Variants in TAFA1 observed in about 807,000 individuals in gnomAD.
TAFA1 encodes the protein TAFA chemokine like family member 1.
Under a neutral mutation model 18.5 loss-of-function variants are expected in TAFA1, and 4 were observed. That is an observed-to-expected ratio of 0.22 (90% CI 0.11 to 0.49). TAFA1 has a LOEUF of 0.49. Among genes scored for constraint, TAFA1 ranks in the 20% least tolerant of loss-of-function variants. TAFA1 has a pLI of 0.98. For missense variants in TAFA1, 147 were observed against 169.0 expected (o/e 0.87, Z 0.72); for synonymous variants, 56 against 55.2 (o/e 1.01, Z -0.06).
intron 2 of TAFA1, among the ~76,000 whole-genome samples, chr3:68,138,033 T>G (rs1473693415): frequency 6.6e-6 from 1 of 151,738 alleles, no homozygotes; most frequent in African/African-American, 2.4e-5. Context: ...TCCCGAAAAT[T>G]AGGGCAAAGA....
At chr3:68,444,435 A>G (rs142701590) in intron 3 of TAFA1, among the ~76,000 whole-genome samples, 2,266 of 152,208 alleles carry the variant, frequency 0.015, 22 homozygotes, top group Non-Finnish European at 0.023. Flanking sequence ...TGAAGTCACA[A>G]TACCTCACCT....
At chr3:68,250,472 T>C (rs1452586559) in intron 2 of TAFA1, among the ~76,000 whole-genome samples, 8 of 152,154 alleles carry the variant, frequency 5.3e-5, no homozygotes, top group Non-Finnish European at 7.3e-5. Context: ...CCTGGGCCCT[T>C]GAACTAACCT....
intron 2 of TAFA1, among the ~76,000 whole-genome samples, chr3:68,193,315 A>G (rs941946936): frequency 6.6e-6 from 1 of 151,842 alleles, no homozygotes; most frequent in Non-Finnish European, 1.5e-5. Flanking sequence ...AGGTATTTTA[A>G]TGTAAGTTTA....
At chr3:68,331,728 G>A (rs1355911614) in intron 2 of TAFA1, among the ~76,000 whole-genome samples, 1 of 151,964 alleles carries the variant, frequency 6.6e-6, no homozygotes, top group Non-Finnish European at 1.5e-5. Context: ...AGCTACAGGT[G>A]TAAAACAGAT....
chr3:68,358,084 G>A (rs2069398411), intron 2 of TAFA1, among the ~76,000 whole-genome samples: 1 of 151,868 alleles, frequency 6.6e-6, no homozygotes, highest in Non-Finnish European at 1.5e-5. Flanking sequence ...ATTCAACAAG[G>A]CTGTTTATTC....
rs994152812 is a variant in TAFA1, at chr3:68,544,616, T to A, written c.*113T>A. The stretch of plus-strand genomic sequence containing the variant: ...ATGGATTTCTTACTTGCACTTTGAC[T>A]GGCTACCAGATAATCACAGTGCGTT... On this transcript the variant is annotated 3_prime_UTR_variant, in exon 5 of 5. Coordinates refer to ENST00000478136, the MANE Select transcript of TAFA1 (RefSeq NM_213609.4). 67 of 1,068,952 alleles carry A rather than the reference T, an allele frequency of 6.3e-5. No homozygotes were observed. In the African/African-American group the frequency reaches 1.0e-3, roughly 16 times the overall value. 66.2% of individuals were successfully genotyped at this position (1,068,952 alleles called of 1,614,324 possible). A position where few individuals can be genotyped will look rare whatever the true frequency, so the allele number is the denominator to read the frequency against.
chr3:68,400,912 T>A (rs2070474842), intron 2 of TAFA1, among the ~76,000 whole-genome samples: 1 of 152,170 alleles, frequency 6.6e-6, no homozygotes, highest in Non-Finnish European at 1.5e-5. Flanking sequence ...CATCCACAGC[T>A]GTGAATAGGA....
intron 2 of TAFA1, among the ~76,000 whole-genome samples, chr3:68,120,229 CTTTCTTTCT>C (rs1575627494): frequency 1.7e-5 from 2 of 120,956 alleles, no homozygotes; most frequent in East Asian, 4.5e-4. Context: ...TTCTTTCTTT[CTTTCTTTCT>C]TTCTTTCTTT....
At chr3:68,064,069 T>G (rs2064641566) in intron 2 of TAFA1, among the ~76,000 whole-genome samples, 1 of 152,132 alleles carries the variant, frequency 6.6e-6, no homozygotes, top group African/African-American at 2.4e-5. Context: ...CTTAATAAGT[T>G]GACAACTTAA....
At chr3:68,284,137 C>G (rs1453259396) in intron 2 of TAFA1, among the ~76,000 whole-genome samples, 1 of 152,116 alleles carries the variant, frequency 6.6e-6, no homozygotes, top group African/African-American at 2.4e-5. Flanking sequence ...CTTTCTCTTT[C>G]TGTGTTTTTC....
chr3:68,059,964 G>A (rs1315904834), intron 2 of TAFA1, among the ~76,000 whole-genome samples: 1 of 151,980 alleles, frequency 6.6e-6, no homozygotes, highest in Non-Finnish European at 1.5e-5. Context: ...CTCCTCTGGG[G>A]GCTAGAGGAG....
chr3:68,115,251 G>A (rs908015735), intron 2 of TAFA1, among the ~76,000 whole-genome samples: 1 of 152,096 alleles, frequency 6.6e-6, no homozygotes, highest in Non-Finnish European at 1.5e-5. Context: ...CTTACTGTTA[G>A]CATGGTATAT....
At chr3:68,334,219 G>A (rs2068931793) in intron 2 of TAFA1, among the ~76,000 whole-genome samples, 1 of 152,132 alleles carries the variant, frequency 6.6e-6, no homozygotes, top group Admixed American at 6.5e-5. Flanking sequence ...ATTTTACTAT[G>A]CATTTATACA....
At chr3:68,093,604 C>T (rs2065053057) in intron 2 of TAFA1, among the ~76,000 whole-genome samples, 1 of 152,050 alleles carries the variant, frequency 6.6e-6, no homozygotes, top group African/African-American at 2.4e-5. Flanking sequence ...TTCTGTCTGA[C>T]TATGTGATGT....
intron 2 of TAFA1, among the ~76,000 whole-genome samples, chr3:68,270,555 A>T (rs372013169): frequency 2.0e-5 from 3 of 152,122 alleles, no homozygotes; most frequent in African/African-American, 7.2e-5. Context: ...GCTTATTGTT[A>T]TGTGTAAAGA....
chr3:68,431,751 T>C (rs1169307727), intron 3 of TAFA1, among the ~76,000 whole-genome samples: 2 of 152,000 alleles, frequency 1.3e-5, no homozygotes, highest in Non-Finnish European at 2.9e-5. Flanking sequence ...TGTAGCAGGA[T>C]GAGTCGCAGA....
intron 2 of TAFA1, among the ~76,000 whole-genome samples, chr3:68,105,017 G>C (rs1441459700): frequency 6.6e-6 from 1 of 152,152 alleles, no homozygotes; most frequent in Non-Finnish European, 1.5e-5. Flanking sequence ...TTCCAGTCAT[G>C]GTGGAAGCAA....
intron 3 of TAFA1, among the ~76,000 whole-genome samples, chr3:68,441,306 G>A (rs1020216287): frequency 6.6e-6 from 1 of 152,110 alleles, no homozygotes; most frequent in African/African-American, 2.4e-5. Flanking sequence ...CAGATCCAAT[G>A]GTGCTTGAGG....
intron 2 of TAFA1, among the ~76,000 whole-genome samples, chr3:68,381,030 C>A (rs2069938628): frequency 7.4e-6 from 1 of 135,386 alleles, no homozygotes; most frequent in African/African-American, 2.8e-5. Context: ...ATAAGGAATC[C>A]TTTCCCCATT....
Sources: allele counts gnomAD v4.1 joint callset (sites outside exome capture counted in the v4.1 genomes callset), GRCh38; gene constraint gnomAD v4.1.1; transcripts MANE v1.5; gene names NCBI Gene and HGNC (gene_info 2026-07-23, HGNC 2026-07-21).